GRIP2: variants seen among roughly 807,000 people sequenced by gnomAD.
The protein encoded by GRIP2 is glutamate receptor interacting protein 2, also known as glutamate receptor-interacting protein 2.
GRIP2 carries 58 observed loss-of-function variants against 108.3 expected under a neutral mutation model. That is an observed-to-expected ratio of 0.54 (90% CI 0.43 to 0.67). The LOEUF (loss-of-function observed/expected upper bound fraction) is 0.67. Ranked by LOEUF, GRIP2 falls within the 30% of genes least tolerant of loss-of-function variation. The pLI, the probability that GRIP2 is intolerant of heterozygous loss-of-function variation, is 0.00. For synonymous variants in GRIP2, 586 were observed against 598.2 expected (o/e 0.98, Z 0.30); for missense variants, 1,278 against 1,430.6 (o/e 0.89, Z 1.72).
At chr3:14,568,131 T>C in the GRIP2 span, among the ~76,000 whole-genome samples, 1 of 152,104 alleles carries the variant, frequency 6.6e-6, no homozygotes, top group Non-Finnish European at 1.5e-5. Context: ...AGGACTTTGG[T>C]CTTCCTCAGA....
chr3:14,593,847 C>G, the GRIP2 span, among the ~76,000 whole-genome samples: 1 of 152,188 alleles, frequency 6.6e-6, no homozygotes, highest in Non-Finnish European at 1.5e-5. Context: ...AAGACACCCC[C>G]ACCCAGGCCC....
intron 1 of GRIP2, among the ~76,000 whole-genome samples, chr3:14,549,218 T>A (rs1036703149): frequency 6.6e-6 from 1 of 152,214 alleles, no homozygotes; most frequent in African/African-American, 2.4e-5. Flanking sequence ...CAACAATTCA[T>A]CCCTTCTAAC....
At chr3:14,599,817 T>C in the GRIP2 span, among the ~76,000 whole-genome samples, 11 of 151,388 alleles carry the variant, frequency 7.3e-5, no homozygotes, top group South Asian at 2.3e-3. Context: ...TAACAGAAGT[T>C]CAAGGTGCCC....
At chr3:14,527,751 G>T (rs2102917) in intron 1 of GRIP2, among the ~76,000 whole-genome samples, 59,606 of 151,630 alleles carry the variant, frequency 0.39, 12,802 homozygotes, top group South Asian at 0.6. Context: ...CAAAAATTAG[G>T]GGGGTGTGGT....
the GRIP2 span, among the ~76,000 whole-genome samples, chr3:14,571,434 G>A: frequency 7.0e-4 from 106 of 152,124 alleles, 5 homozygotes; most frequent in Non-Finnish European, 1.3e-4. Flanking sequence ...TGTCTGCACC[G>A]GATGAAGCTG....
chr3:14,507,469 A>G lies in GRIP2; in HGVS notation c.2218+92T>C. 2.7e-6 allele frequency: 4 copies of G among 1,470,464 alleles called. No homozygotes were observed. In the South Asian group the frequency reaches 4.9e-5, roughly 18 times the overall value. The allele number at this position is 1,470,464 out of a possible 1,614,324, so 91.1% of individuals were successfully genotyped here. On this transcript the variant is annotated intron_variant, in intron 18 of 23. Coordinates refer to ENST00000621039, the MANE Select transcript of GRIP2 (RefSeq NM_001080423.4). The surrounding 1 kb of genome is among the most constrained non-coding windows in gnomAD (Gnocchi z 4.6). Reference sequence around the variant, plus strand: ...CCGCCTCCACAGGGCTGCAGTGAGGACTCTGTGAGGGTGTGCAGGCAAAGC... The same window carrying G: ...CCGCCTCCACAGGGCTGCAGTGAGGGCTCTGTGAGGGTGTGCAGGCAAAGC...
chr3:14,583,547 T>C, the GRIP2 span, among the ~76,000 whole-genome samples: 501 of 152,198 alleles, frequency 3.3e-3, 10 homozygotes, highest in East Asian at 0.037. Flanking sequence ...GCTGGGAGGC[T>C]GGGAGGCTGG....
At chr3:14,595,005 T>G in the GRIP2 span, among the ~76,000 whole-genome samples, 1 of 152,168 alleles carries the variant, frequency 6.6e-6, no homozygotes. Context: ...CAAGTGACGT[T>G]CCCACCTCAG....
Position 14,511,142 on chromosome 3 carries a change from G to C in GRIP2, c.1933+23C>G. The C allele has an allele frequency of 6.2e-7, 1 of 1,612,624 alleles. No homozygotes were observed. The highest frequency in any genetic ancestry group is 8.5e-7 in the Non-Finnish European group (1 of 1,179,224). On this transcript the variant is annotated intron_variant, in intron 16 of 23. Coordinates refer to ENST00000621039, the MANE Select transcript of GRIP2 (RefSeq NM_001080423.4). This position sits in a 1 kb window ranked among gnomAD's most constrained non-coding sequence, Gnocchi z 4.1. ...GTCAAAGGGTGGGCCTCTGGAGGTA[G>C]GAGGCCAGCATGAGGGCCATACCAG... is the stretch of plus-strand genomic sequence containing the variant.
At chr3:14,568,053 C>T in the GRIP2 span, among the ~76,000 whole-genome samples, 7 of 152,232 alleles carry the variant, frequency 4.6e-5, no homozygotes, top group South Asian at 4.1e-4. Flanking sequence ...GAGTGATGGA[C>T]GGAGTAGCAG....
chr3:14,551,113 G>A (rs549558325), intron 1 of GRIP2, among the ~76,000 whole-genome samples: 1 of 152,286 alleles, frequency 6.6e-6, no homozygotes, highest in African/African-American at 2.4e-5. Context: ...ACACGGACCT[G>A]CCAAGGACCC....
intron 11 of GRIP2, among the ~76,000 whole-genome samples, chr3:14,515,948 T>C (rs927224372): frequency 3.3e-5 from 5 of 152,188 alleles, no homozygotes; most frequent in Non-Finnish European, 5.9e-5. Flanking sequence ...TTCTTTTCAC[T>C]ACTATGTCCC....
chr3:14,602,484 G>A, the GRIP2 span, among the ~76,000 whole-genome samples: 4 of 152,082 alleles, frequency 2.6e-5, no homozygotes, highest in African/African-American at 7.2e-5. This position sits in a 1 kb window ranked among gnomAD's most constrained non-coding sequence, Gnocchi z 4.7. Context: ...GACCCCCACC[G>A]TGAGCGCGGC....
At chr3:14,579,687 C>CCCTCTCTGCCACCTG in the GRIP2 span, among the ~76,000 whole-genome samples, 1 of 151,860 alleles carries the variant, frequency 6.6e-6, no homozygotes, top group Non-Finnish European at 1.5e-5. Flanking sequence ...GCCTTCACAA[C>CCCTCTCTGCCACCTG]CCTGGGGAAA....
chr3:14,543,452 C>T (rs1352502048), upstream of GRIP2, among the ~76,000 whole-genome samples: 1 of 152,240 alleles, frequency 6.6e-6, no homozygotes, highest in Non-Finnish European at 1.5e-5. Context: ...AGAGTGCAGG[C>T]TGACAGTAGG....
chr3:14,573,526 G>A, the GRIP2 span: 26 of 1,503,312 alleles, frequency 1.7e-5, no homozygotes, highest in South Asian at 2.7e-4. Context: ...CAGTGCACCT[G>A]AGAGCAGAGC....
chr3:14,514,011 CA>C (rs1694175198), intron 12 of GRIP2, among the ~76,000 whole-genome samples: 3 of 152,204 alleles, frequency 2.0e-5, no homozygotes, highest in African/African-American at 4.8e-5. Context: ...CCTGTCTGTC[CA>C]ATGGGGATGA....
the GRIP2 span, among the ~76,000 whole-genome samples, chr3:14,603,005 G>GGCCCGGCCTCGCCA: frequency 2.7e-5 from 4 of 146,484 alleles, no homozygotes; most frequent in East Asian, 6.1e-4. Context: ...CCTGCGGCCC[G>GGCCCGGCCTCGCCA]GCCCGGCCTC....
chr3:14,589,375 T>C, the GRIP2 span, among the ~76,000 whole-genome samples: 35,848 of 151,986 alleles, frequency 0.24, 4,940 homozygotes, highest in Middle Eastern at 0.31. Context: ...AGAAGGACAG[T>C]CTAGAAATGG....
Sources: gnomAD v4.1 joint callset for allele counts (sites outside exome capture counted in the v4.1 genomes callset) on GRCh38, gnomAD v4.1.1 for gene constraint, Gnocchi (gnomAD v3.1) non-coding constraint, MANE v1.5 for transcripts, NCBI Gene and HGNC (gene_info 2026-07-23, HGNC 2026-07-21) for gene names.